Variants in PPP1R37 observed in about 807,000 individuals in gnomAD.
PPP1R37 encodes the protein leucine rich repeat containing 68.
In PPP1R37, 21 loss-of-function variants were observed where a neutral mutation model predicts 61.0. The ratio of observed to expected loss-of-function variants is 0.34; its 90% confidence interval spans 0.24 to 0.50. PPP1R37 has a LOEUF of 0.50. Ranked by LOEUF, PPP1R37 falls within the 20% of genes least tolerant of loss-of-function variation. The pLI is 0.98. For missense variants in PPP1R37, 910 were observed against 952.7 expected, an observed-to-expected ratio of 0.96 and a Z score of 0.59; for synonymous variants, 443 against 433.5, an observed-to-expected ratio of 1.02 and a Z score of -0.27.
Position 45,145,628 on chromosome 19 carries a change from C to T in PPP1R37, c.1572C>T (p.Asp524=), listed in dbSNP as rs116623634. The change falls in exon 11 of 13, where the codon GAC becomes GAT. Residue 524 remains aspartate, a synonymous_variant. Coordinates refer to ENST00000221462, the MANE Select transcript of PPP1R37 (RefSeq NM_019121.2). Reference sequence around the variant, plus strand: ...AGGAGGAAGAGGAAGGGGAGAGGGACGAGACCCCCTGTCCTGCCCTGGTGC... The same window carrying T: ...AGGAGGAAGAGGAAGGGGAGAGGGATGAGACCCCCTGTCCTGCCCTGGTGC... ...EEEEEEEGER[D]ETPCPALVPP... 4.6e-6 allele frequency: 7 copies of T among 1,535,824 alleles called. No homozygotes were observed. The highest frequency in any genetic ancestry group is 3.9e-5 in the Admixed American group (2 of 50,988).
At chr19:45,143,777 C>T in intron 8 of PPP1R37, 144 bp downstream of exon 8, 1 of 541,288 alleles carries the variant, frequency 1.8e-6, no homozygotes, top group East Asian at 3.2e-5. Flanking sequence ...GCCCCACCTG[C>T]TTCCTCATTC....
chr19:45,095,432 C>T (rs545124418), intron 1 of PPP1R37, among the ~76,000 whole-genome samples: 9 of 148,696 alleles, frequency 6.1e-5, no homozygotes, highest in Non-Finnish European at 1.3e-4. Flanking sequence ...CCACCGTGCC[C>T]GGCTGGCTAG....
chr19:45,130,932 C>G lies in PPP1R37; in HGVS notation c.203-7582C>G, dbSNP rs571700036. On this transcript the variant is annotated intron_variant, in intron 1 of 12. Transcript: ENST00000221462. This position sits in a 1 kb window ranked among gnomAD's most constrained non-coding sequence, Gnocchi z 4.4. ...GTTGACACCCTCCCACTGTGTCCCC[C>G]AGCCCGCACAGTGTTGCTTCCTGGT... Among the ~76,000 whole-genome samples the G allele has an allele frequency of 6.6e-6, 1 of 152,296 alleles. No homozygotes were observed. The highest frequency in any genetic ancestry group is 1.9e-4 in the East Asian group (1 of 5,180).
intron 1 of PPP1R37, among the ~76,000 whole-genome samples, chr19:45,096,539 T>G (rs1967995673): frequency 6.6e-6 from 1 of 152,190 alleles, no homozygotes. Flanking sequence ...GGCAGATTTG[T>G]TTTTTGTTTG....
In PPP1R37 at chr19:45,120,103, C is replaced by G. The variant is rs548745415; in HGVS notation, c.203-18411C>G. 2.0e-3 allele frequency among the ~76,000 whole-genome samples: 301 copies of G among 147,444 alleles called. 1 individual carries two copies. Among genetic ancestry groups the G allele is most frequent in the African/African-American group, 7.3e-3 (290 of 39,726 alleles). On this transcript the variant is annotated intron_variant, in intron 1 of 12. Coordinates refer to ENST00000221462, the MANE Select transcript of PPP1R37 (RefSeq NM_019121.2). ...CGCGATCTCCGCTCACTGCAAGCTC[C>G]TCCTCCCAGGTTCACGCCATTCTCC... is the stretch of plus-strand genomic sequence containing the variant.
intron 8 of PPP1R37, chr19:45,144,599 G>A: frequency 2.0e-6 from 1 of 497,196 alleles, no homozygotes; most frequent in South Asian, 3.1e-5. Context: ...CCCAGGCTGT[G>A]GGGGGTAGGG....
intron 1 of PPP1R37, among the ~76,000 whole-genome samples, chr19:45,134,264 A>G (rs1027544002): frequency 2.6e-5 from 4 of 151,916 alleles, no homozygotes; most frequent in Non-Finnish European, 2.9e-5. Context: ...TTGGCCTCAC[A>G]TAGTGCTGGG....
intron 1 of PPP1R37, among the ~76,000 whole-genome samples, chr19:45,118,925 T>C (rs10421932): frequency 0.16 from 24,318 of 151,634 alleles, 2,368 homozygotes; most frequent in African/African-American, 0.26. Context: ...CGCCTCTGGG[T>C]TCCTTGTGGG....
intron 1 of PPP1R37, among the ~76,000 whole-genome samples, chr19:45,135,622 G>C (rs1968529353): frequency 6.6e-6 from 1 of 152,198 alleles, no homozygotes; most frequent in Non-Finnish European, 1.5e-5. Context: ...CGCCACAGAG[G>C]ACAGCTTAGG....
At chr19:45,103,750 T>A (rs1968093693) in intron 1 of PPP1R37, among the ~76,000 whole-genome samples, 2 of 152,128 alleles carry the variant, frequency 1.3e-5, no homozygotes, top group Non-Finnish European at 2.9e-5. Context: ...AGCTCCCATT[T>A]ATGGAGCGCT....
chr19:45,115,740 C>T (rs932338595), intron 1 of PPP1R37, among the ~76,000 whole-genome samples: 1 of 152,052 alleles, frequency 6.6e-6, no homozygotes, highest in African/African-American at 2.4e-5. Flanking sequence ...TTTGGGAGGC[C>T]GAGGCGGGTG....
rs527569383 is a variant in PPP1R37, at chr19:45,103,745, C to G, written c.202+10218C>G. Among the ~76,000 whole-genome samples, 4 of 152,180 alleles carry G rather than the reference C, an allele frequency of 2.6e-5. No individual in the cohort carries two copies. The East Asian group carries it at 7.7e-4, about 29-fold the overall frequency. Reference sequence around the variant, plus strand: ...ATGGAGGTGATGGTACTCAAAGCTCCCATTTATGGAGCGCTTAACAGGGCT... The same window carrying G: ...ATGGAGGTGATGGTACTCAAAGCTCGCATTTATGGAGCGCTTAACAGGGCT... On this transcript the variant is annotated intron_variant, in intron 1 of 12. Coordinates refer to ENST00000221462, the MANE Select transcript of PPP1R37 (RefSeq NM_019121.2).
chr19:45,098,076 C>T (rs945554651), intron 1 of PPP1R37, among the ~76,000 whole-genome samples: 1 of 152,204 alleles, frequency 6.6e-6, no homozygotes, highest in African/African-American at 2.4e-5. Flanking sequence ...TAGGGTGAAC[C>T]TGCTGGGGGC....
intron 1 of PPP1R37, among the ~76,000 whole-genome samples, chr19:45,132,027 A>G (rs912916694): frequency 3.9e-5 from 6 of 152,192 alleles, no homozygotes; most frequent in African/African-American, 1.2e-4. Flanking sequence ...TTACCTCTGC[A>G]GATCCATCCC....
At chr19:45,106,197 G>T (rs1164629541) in intron 1 of PPP1R37, among the ~76,000 whole-genome samples, 2 of 151,946 alleles carry the variant, frequency 1.3e-5, no homozygotes, top group Non-Finnish European at 1.5e-5. Context: ...TTGGGTCCAG[G>T]CTCCTGCTGC....
intron 1 of PPP1R37, among the ~76,000 whole-genome samples, chr19:45,133,999 G>A (rs56764148): frequency 0.035 from 5,359 of 152,210 alleles, 319 homozygotes; most frequent in African/African-American, 0.12. Context: ...TTTGACCCAC[G>A]CCTGCTCATG....
At chr19:45,106,618 C>T (rs1381439511) in intron 1 of PPP1R37, among the ~76,000 whole-genome samples, 2 of 152,130 alleles carry the variant, frequency 1.3e-5, no homozygotes, top group African/African-American at 4.8e-5. Flanking sequence ...TCACTGCAGC[C>T]TCCACCTCCC....
At position 45,093,371 on chromosome 19, in the gene PPP1R37, G is replaced by C; in HGVS notation, c.46G>C (p.Gly16Arg). The change falls in exon 1 of 13, where the codon GGC becomes CGC. Residue 16 changes from glycine to arginine, a missense_variant. By Grantham distance (125) the Gly-to-Arg change is moderately radical (BLOSUM62 -2). Around this residue, in one of 3 missense-constraint regions of PPP1R37, gnomAD observed 81 missense variants for 65.4 expected, o/e 1.24. Transcript: ENST00000221462. Reference protein sequence around the residue: ...QEAPPVPGADGDIEEAPAEAG... With the variant: ...QEAPPVPGADRDIEEAPAEAG... The stretch of plus-strand genomic sequence containing the variant: ...GGCGCCGCCCGTGCCGGGCGCGGAC[G>C]GCGACATTGAAGAGGCCCCAGCTGA... 3.3e-6 allele frequency: 5 copies of C among 1,512,618 alleles called. No individual in the cohort carries two copies. Among genetic ancestry groups the C allele is most frequent in the Non-Finnish European group, 4.4e-6 (5 of 1,133,474 alleles). 93.7% of individuals were successfully genotyped at this position (1,512,618 alleles called of 1,614,324 possible).
intron 1 of PPP1R37, among the ~76,000 whole-genome samples, chr19:45,118,519 C>G (rs957641027): frequency 6.6e-6 from 1 of 152,192 alleles, no homozygotes; most frequent in African/African-American, 2.4e-5. Flanking sequence ...GGCCATATCC[C>G]CTTCCCAGGG....
Sources: gnomAD v4.1 joint callset for allele counts (sites outside exome capture counted in the v4.1 genomes callset) on GRCh38, gnomAD v4.1.1 for gene constraint, gnomAD v4.1.1 regional missense constraint, Gnocchi (gnomAD v3.1) non-coding constraint, MANE v1.5 for transcripts, NCBI Gene and HGNC (gene_info 2026-07-23, HGNC 2026-07-21) for gene names.